Variants in LOXL1 observed in about 807,000 individuals in gnomAD.
LOXL1 encodes lysyl oxidase like 1.
Under a neutral mutation model 62.2 loss-of-function variants are expected in LOXL1, and 31 were observed. That is an observed-to-expected ratio of 0.50 (90% CI 0.37 to 0.67). The LOEUF is 0.67. LOXL1 is among the 30% of genes least tolerant of loss of function. The pLI is 0.00. For synonymous variants in LOXL1, 403 were observed against 384.4 expected (o/e 1.05, Z -0.56); for missense variants, 775 against 843.4 (o/e 0.92, Z 1.00).
Position 73,927,003 on chromosome 15 carries a change from C to T in LOXL1, c.220C>T (p.Arg74Trp), listed in dbSNP as rs868332194. The change falls in exon 1 of 7, where the codon CGG becomes TGG. Residue 74 changes from arginine to tryptophan, a missense_variant. Transcript: ENST00000261921. ...AGPQRSESSS[R>W]VLLAGAPQAQ... ...ACCTCAGCGCTCCGAGAGTAGCTCC[C>T]GGGTGCTGCTGGCCGGCGCGCCCCA... The T allele has an allele frequency of 2.7e-6, 4 of 1,461,738 alleles. No individual in the cohort carries two copies. The highest frequency in any genetic ancestry group is 1.3e-5 in the South Asian group (1 of 75,430). 90.5% of individuals were successfully genotyped at this position (1,461,738 alleles called of 1,614,324 possible). A position where few individuals can be genotyped will look rare whatever the true frequency, so the allele number is the denominator to read the frequency against.
intron 1 of LOXL1, among the ~76,000 whole-genome samples, chr15:73,933,187 G>A (rs964107391): frequency 2.0e-5 from 3 of 152,194 alleles, no homozygotes; most frequent in Non-Finnish European, 4.4e-5. Flanking sequence ...CAACAGCCTT[G>A]TGAGATAAAT....
In LOXL1 at chr15:73,946,402, C is replaced by CCCCCCTCCCTG; in HGVS notation, c.1212-14_1212-13insCCCCTCCCTGC. ...GTGCCCCAACCCCCCCTCATCTCCC[C>CCCCCCTCCCTG]CGCCGTCCCTGCAGCACAGCCTATG... On this transcript the variant is annotated splice_polypyrimidine_tract_variant and intron_variant, in intron 2 of 6. Coordinates refer to ENST00000261921, the MANE Select transcript of LOXL1 (RefSeq NM_005576.4). The CCCCCCTCCCTG allele has an allele frequency of 6.2e-7, 1 of 1,603,204 alleles. No individual in the cohort carries two copies. Among genetic ancestry groups the CCCCCCTCCCTG allele is most frequent in the Middle Eastern group, 1.7e-4 (1 of 6,012 alleles).
intron 1 of LOXL1, among the ~76,000 whole-genome samples, chr15:73,931,585 G>A (rs1002928834): frequency 2.0e-5 from 3 of 152,092 alleles, no homozygotes; most frequent in African/African-American, 7.2e-5. Context: ...CACCTCCCTA[G>A]ACACATGCAA....
Position 73,943,415 on chromosome 15 carries a change from G to T in LOXL1, c.1211+453G>T, listed in dbSNP as rs375283446. ...GATGTACCTGCAGGATAGAGCCCAG[G>T]AGTATGGAGCCATGTCCACAGAGGA... On this transcript the variant is annotated intron_variant, in intron 2 of 6. Transcript: ENST00000261921. 1.9e-4 allele frequency among the ~76,000 whole-genome samples: 29 copies of T among 152,350 alleles called. No homozygotes were observed. In the South Asian group the frequency reaches 5.8e-3, roughly 30 times the overall value.
intron 1 of LOXL1, among the ~76,000 whole-genome samples, chr15:73,936,370 G>A (rs1211545211): frequency 1.3e-5 from 2 of 152,104 alleles, no homozygotes; most frequent in Admixed American, 6.6e-5. Context: ...CTAGGGAATC[G>A]GGCAGCCAGC....
intron 1 of LOXL1, among the ~76,000 whole-genome samples, chr15:73,935,898 G>T (rs2068667417): frequency 6.6e-6 from 1 of 151,586 alleles, no homozygotes; most frequent in African/African-American, 2.4e-5. Flanking sequence ...GTGGGCTTTG[G>T]AGCTAAAGAC....
chr15:73,949,437 C>A, intron 5 of LOXL1, 22 bp from the exon 6 acceptor site: 1 of 1,441,784 alleles, frequency 6.9e-7, no homozygotes, highest in South Asian at 1.1e-5. Context: ...CTCCCTTTCT[C>A]CCTGTTTCTC....
At position 73,939,080 on chromosome 15, in the gene LOXL1, C is replaced by T. The variant is rs542446248; in HGVS notation, c.1103-3774C>T. ...CAAGCCAAAAATTGCAGACCAGCCT[C>T]CTTACTCCTACACTGATCGTGTCCA... On this transcript the variant is annotated intron_variant, in intron 1 of 6. Transcript: ENST00000261921. Among the ~76,000 whole-genome samples, 8 of 152,248 alleles carry T rather than the reference C, an allele frequency of 5.3e-5. No individual in the cohort carries two copies. In the East Asian group the frequency reaches 1.5e-3, roughly 29 times the overall value.
chr15:73,948,030 T>A, intron 5 of LOXL1, 128 bp downstream of exon 5: 1 of 625,544 alleles, frequency 1.6e-6, no homozygotes, highest in Non-Finnish European at 2.8e-6. Flanking sequence ...AGGCAGCATC[T>A]GAGGCATCAC....
Position 73,946,470 on chromosome 15 carries a change from T to C in LOXL1, c.1265T>C (p.Phe422Ser). The C allele has an allele frequency of 6.2e-7, 1 of 1,613,008 alleles. No homozygotes were observed. The highest frequency in any genetic ancestry group is 8.5e-7 in the Non-Finnish European group (1 of 1,179,680). The change falls in exon 3 of 7, where the codon TTC becomes TCC. Residue 422 changes from phenylalanine (F) to serine (S), a missense_variant. Physicochemically the swap from Phe to Ser is radical, Grantham distance 155. Transcript: ENST00000261921. ...TDYDVRVLLR[F>S]PQRVKNQGTA... ...TACGATGTGCGGGTGCTACTGCGCT[T>C]CCCCCAGCGCGTGAAGAACCAGGGC...
intron 6 of LOXL1, among the ~76,000 whole-genome samples, chr15:73,951,546 A>G (rs575067607): frequency 6.6e-6 from 1 of 152,204 alleles, no homozygotes; most frequent in South Asian, 2.1e-4. Context: ...AAAACAAGAA[A>G]GTATTTCCAG....
At chr15:73,949,406 G>A in intron 5 of LOXL1, 53 bp from the exon 6 acceptor site, 1 of 1,035,114 alleles carries the variant, frequency 9.7e-7, no homozygotes, top group Non-Finnish European at 1.5e-6. Context: ...GAGCAGTTGA[G>A]GTGCAGCCCC....
intron 1 of LOXL1, among the ~76,000 whole-genome samples, chr15:73,933,212 T>C (rs2068647272): frequency 6.6e-6 from 1 of 152,234 alleles, no homozygotes; most frequent in African/African-American, 2.4e-5. Context: ...TTATCAGCTC[T>C]ATTTTATAGA....
chr15:73,937,433 T>G (rs1445360133), intron 1 of LOXL1, among the ~76,000 whole-genome samples: 3 of 152,224 alleles, frequency 2.0e-5, no homozygotes, highest in Non-Finnish European at 4.4e-5. Context: ...TGAATGGCCC[T>G]GGGACCGTAT....
rs767996872 is a variant in LOXL1 at position 73,927,398 on chromosome 15, C to A, written c.615C>A (p.Tyr205Ter). Reference protein sequence around the residue: ...SRTYDQGFVYYRPAGGGVGAG... With the variant: ...SRTYDQGFVY The stretch of plus-strand genomic sequence containing the variant: ...CCTACGACCAGGGTTTCGTGTACTA[C>A]CGGCCCGCGGGCGGCGGCGTGGGCG... Residue 205 changes from tyrosine (Y) to a stop codon, truncating the protein, a stop_gained, in exon 1 of 7, where the codon TAC (tyrosine) becomes TAA (stop). Transcript: ENST00000261921. LOFTEE classifies it high-confidence loss of function. The A allele has an allele frequency of 1.3e-6, 2 of 1,555,744 alleles. No individual in the cohort carries two copies. The highest frequency in any genetic ancestry group is 1.7e-4 in the Middle Eastern group (1 of 5,838).
In LOXL1 at chr15:73,927,453, G is replaced by T; in HGVS notation, c.670G>T (p.Val224Phe). ...GGCGGCGGCCGTGGCCTCGGCGGGG[G>T]TCATCTACCCCTACCAGCCCCGGGC... Reference protein sequence around the residue: ...AGAAAVASAGVIYPYQPRARY... With the variant: ...AGAAAVASAGFIYPYQPRARY... Residue 224 changes from valine to phenylalanine, a missense_variant, in exon 1 of 7, where the codon GTC becomes TTC. Val to Phe is a conservative substitution (Grantham distance 50). Coordinates refer to ENST00000261921, the MANE Select transcript of LOXL1 (RefSeq NM_005576.4). 1.4e-6 allele frequency: 2 copies of T among 1,452,320 alleles called. No homozygotes were observed. Among genetic ancestry groups the T allele is most frequent in the Non-Finnish European group, 9.0e-7 (1 of 1,104,988 alleles). 90.0% of individuals were successfully genotyped at this position (1,452,320 alleles called of 1,614,324 possible).
intron 4 of LOXL1, 92 bp downstream of exon 4, chr15:73,947,315 G>C: frequency 7.1e-7 from 1 of 1,402,956 alleles, no homozygotes; most frequent in Non-Finnish European, 9.7e-7. Flanking sequence ...AAGTGCCAAG[G>C]CTTCTGGCCA....
At chr15:73,927,966 T>A in intron 1 of LOXL1, 81 bp downstream of exon 1, 2 of 1,219,494 alleles carry the variant, frequency 1.6e-6, no homozygotes, top group Non-Finnish European at 2.1e-6. Flanking sequence ...GGCCCCTCCT[T>A]AGAACTTCCT....
Position 73,927,247 on chromosome 15 carries a change from C to G in LOXL1, c.464C>G (p.Ala155Gly). The G allele has an allele frequency of 4.4e-6, 7 of 1,599,656 alleles. No individual in the cohort carries two copies. Among genetic ancestry groups the G allele is most frequent in the Non-Finnish European group, 5.9e-6 (7 of 1,177,116 alleles). ...SVSQQRHGGS[A>G]SSVSASAFAS... ...TCCCAGCAACGGCACGGGGGCTCCG[C>G]CTCCTCGGTCTCGGCTTCGGCCTTC... is the stretch of plus-strand genomic sequence containing the variant. Residue 155 changes from alanine (A) to glycine (G), a missense_variant, in exon 1 of 7, where the codon GCC (alanine) becomes GGC (glycine). Ala to Gly is a moderately conservative substitution (Grantham distance 60). Transcript: ENST00000261921.
Sources: gnomAD v4.1 joint callset for allele counts (sites outside exome capture counted in the v4.1 genomes callset) on GRCh38, gnomAD v4.1.1 for gene constraint, MANE v1.5 for transcripts, NCBI Gene and HGNC (gene_info 2026-07-23, HGNC 2026-07-21) for gene names.